Variants in SLC25A21 observed in about 807,000 individuals in gnomAD.
The protein encoded by SLC25A21 is solute carrier family 25 member 21, also known as mitochondrial 2-oxodicarboxylate carrier.
In SLC25A21, 47 loss-of-function variants were observed where a neutral mutation model predicts 43.8. That is an observed-to-expected ratio of 1.07 (90% CI 0.85 to 1.37). The LOEUF (loss-of-function observed/expected upper bound fraction) is 1.37, where lower values mean the gene tolerates loss of function less well. Ranked by LOEUF, SLC25A21 falls within the 40% of genes most tolerant of loss-of-function variation. The pLI is 0.00. For missense variants in SLC25A21, 352 were observed against 350.2 expected (o/e 1.00, Z -0.04); for synonymous variants, 131 against 121.3 (o/e 1.08, Z -0.52).
intron 3 of SLC25A21, among the ~76,000 whole-genome samples, chr14:36,793,981 T>C (rs930490838): frequency 6.7e-6 from 1 of 148,866 alleles, no homozygotes; most frequent in Non-Finnish European, 1.5e-5. Context: ...ATAAAACACA[T>C]TTATTTTATT....
Position 37,038,930 on chromosome 14 carries a change from T to G in SLC25A21, c.70+133351A>C, listed in dbSNP as rs1467486. On this transcript the variant is annotated intron_variant, in intron 1 of 9. Transcript: ENST00000331299. ...TCCACCTCCATCATCCCCGACACCA[T>G]ACAGGCCACATAGACAAAGGGATGC... is the stretch of plus-strand genomic sequence containing the variant. Among the ~76,000 whole-genome samples the G allele has an allele frequency of 5.1e-4, 77 of 152,022 alleles. No individual in the cohort carries two copies. In the East Asian group the frequency reaches 0.015, roughly 29 times the overall value.
chr14:37,068,841 C>G (rs965983177), intron 1 of SLC25A21, among the ~76,000 whole-genome samples: 23 of 152,130 alleles, frequency 1.5e-4, no homozygotes, highest in African/African-American at 5.1e-4. Flanking sequence ...CTTGAGACTC[C>G]CCAAACATTA....
intron 1 of SLC25A21, among the ~76,000 whole-genome samples, chr14:36,997,311 A>G (rs1195460509): frequency 2.6e-5 from 4 of 152,166 alleles, no homozygotes; most frequent in South Asian, 2.1e-4. Flanking sequence ...ACTCTAAAGG[A>G]GAAACACTTT....
intron 1 of SLC25A21, among the ~76,000 whole-genome samples, chr14:37,139,973 C>T (rs371771584): frequency 1.3e-5 from 2 of 152,076 alleles, no homozygotes; most frequent in Admixed American, 6.6e-5. Flanking sequence ...GTTGAAGAAC[C>T]GGAGGAAATA....
intron 1 of SLC25A21, among the ~76,000 whole-genome samples, chr14:37,129,063 T>C (rs1963348583): frequency 6.6e-6 from 1 of 152,206 alleles, no homozygotes; most frequent in Non-Finnish European, 1.5e-5. Flanking sequence ...ATGTGGCCAG[T>C]AGCTACTGTA....
chr14:37,015,385 G>A (rs59676376), intron 1 of SLC25A21, among the ~76,000 whole-genome samples: 57,670 of 151,122 alleles, frequency 0.38, 11,898 homozygotes, highest in African/African-American at 0.54. Flanking sequence ...CATTTTTTAT[G>A]GCTGCATAGT....
chr14:36,809,906 C>T (rs765629636), intron 3 of SLC25A21, among the ~76,000 whole-genome samples: 8 of 152,126 alleles, frequency 5.3e-5, no homozygotes, highest in Non-Finnish European at 1.0e-4. Flanking sequence ...CGGAGTGACT[C>T]TAAAAACTAA....
At chr14:36,953,344 G>A (rs554398560) in intron 1 of SLC25A21, among the ~76,000 whole-genome samples, 9 of 152,166 alleles carry the variant, frequency 5.9e-5, no homozygotes, top group African/African-American at 2.2e-4. Flanking sequence ...ATAACATAAA[G>A]ATGGCATAAA....
chr14:36,915,908 T>A (rs1891818342), intron 1 of SLC25A21, among the ~76,000 whole-genome samples: 1 of 152,006 alleles, frequency 6.6e-6, no homozygotes, highest in South Asian at 2.1e-4. Flanking sequence ...CTAATCAGCA[T>A]CTCTAAATAA....
chr14:36,891,094 T>C (rs944066376), intron 1 of SLC25A21, among the ~76,000 whole-genome samples: 1 of 152,132 alleles, frequency 6.6e-6, no homozygotes, highest in African/African-American at 2.4e-5. Flanking sequence ...TACCAACGAA[T>C]GAAAAACCTA....
intron 1 of SLC25A21, among the ~76,000 whole-genome samples, chr14:37,112,556 C>G (rs1950371): frequency 3.6e-4 from 55 of 152,206 alleles, no homozygotes; most frequent in African/African-American, 1.3e-3. Context: ...ATTGCCTATC[C>G]CCAAACTATA....
chr14:37,101,248 C>T (rs948584319), intron 1 of SLC25A21, among the ~76,000 whole-genome samples: 6 of 152,146 alleles, frequency 3.9e-5, no homozygotes, highest in African/African-American at 1.4e-4. Context: ...CCACTACAAA[C>T]AGTCTATATT....
chr14:36,756,827 A>C (rs1322263227), intron 3 of SLC25A21, among the ~76,000 whole-genome samples: 2 of 152,252 alleles, frequency 1.3e-5, no homozygotes, highest in East Asian at 3.8e-4. Flanking sequence ...ATAAGGATGG[A>C]AAGTGTGAAA....
chr14:37,087,454 G>A (rs1962506689), intron 1 of SLC25A21, among the ~76,000 whole-genome samples: 1 of 152,178 alleles, frequency 6.6e-6, no homozygotes, highest in African/African-American at 2.4e-5. Flanking sequence ...GGGAAGGCTA[G>A]TCAAGGGAGC....
At chr14:36,709,930 G>C (rs960857028) in intron 7 of SLC25A21, among the ~76,000 whole-genome samples, 3 of 152,162 alleles carry the variant, frequency 2.0e-5, no homozygotes, top group African/African-American at 7.2e-5. Flanking sequence ...CAGGACTGCA[G>C]TTTTAACTGC....
rs1892255935 is a variant in SLC25A21, at chr14:36,930,452, C to T, written c.71-55448G>A. Among the ~76,000 whole-genome samples the T allele has an allele frequency of 3.3e-5, 5 of 152,056 alleles. No homozygotes were observed. The South Asian group carries it at 8.3e-4, about 25-fold the overall frequency. On this transcript the variant is annotated intron_variant, in intron 1 of 9. Transcript: ENST00000331299. ...CTCAGTCCCCTCATCCACTCAGTAA[C>T]CAAGTTCTCCACAGTCTACCCCTTA... is the stretch of plus-strand genomic sequence containing the variant.
At chr14:36,861,302 A>C (rs1366886834) in intron 2 of SLC25A21, among the ~76,000 whole-genome samples, 2 of 152,182 alleles carry the variant, frequency 1.3e-5, no homozygotes, top group African/African-American at 2.4e-5. Context: ...GAAAGGAAAA[A>C]CAATCTTCTA....
At chr14:36,769,353 T>C (rs1436589653) in intron 3 of SLC25A21, among the ~76,000 whole-genome samples, 1 of 152,244 alleles carries the variant, frequency 6.6e-6, no homozygotes, top group Admixed American at 6.5e-5. Flanking sequence ...TTCTCACGAA[T>C]GGAAGAACTT....
At chr14:36,692,604 G>T (rs1882837544) in intron 7 of SLC25A21, among the ~76,000 whole-genome samples, 1 of 152,172 alleles carries the variant, frequency 6.6e-6, no homozygotes, top group Admixed American at 6.5e-5. Context: ...AGGTCTTTGT[G>T]ATTAGGGTCT....
Sources: gnomAD v4.1 joint callset for allele counts (sites outside exome capture counted in the v4.1 genomes callset) on GRCh38, gnomAD v4.1.1 for gene constraint, MANE v1.5 for transcripts, NCBI Gene and HGNC (gene_info 2026-07-23, HGNC 2026-07-21) for gene names.